Variants in CCDC125 observed in about 807,000 individuals in gnomAD.
CCDC125 encodes coiled-coil domain-containing protein 125.
CCDC125 carries 43 observed loss-of-function variants against 57.4 expected under a neutral mutation model. The ratio of observed to expected loss-of-function variants is 0.75; its 90% CI spans 0.59 to 0.97. The LOEUF (loss-of-function observed/expected upper bound fraction) is 0.97. Among genes scored for constraint, CCDC125 ranks in the 50% least tolerant of loss-of-function variants. The pLI is 0.00. For missense variants in CCDC125, 563 were observed against 595.7 expected (o/e 0.95, Z 0.57); for synonymous variants, 187 against 195.2 (o/e 0.96, Z 0.35).
At chr5:69,320,617 G>A (rs1031202491) in intron 1 of CCDC125, 37 bp from the exon 2 acceptor site, 2 of 928,624 alleles carry the variant, frequency 2.2e-6, no homozygotes, top group African/African-American at 3.3e-5. Context: ...GAAAACATCA[G>A]TAGATCCAGC....
At chr5:69,316,561 A>G (rs1460263752) in intron 2 of CCDC125, among the ~76,000 whole-genome samples, 4 of 152,048 alleles carry the variant, frequency 2.6e-5, no homozygotes, top group Non-Finnish European at 5.9e-5. Flanking sequence ...ACTGAAATTT[A>G]TTTGGGACTT....
chr5:69,278,279 C>G (rs907601647), downstream of CCDC125, among the ~76,000 whole-genome samples: 3 of 151,932 alleles, frequency 2.0e-5, no homozygotes, highest in African/African-American at 7.3e-5. Context: ...GATCTTGGCT[C>G]ACTGCAACCT....
At chr5:69,312,731 G>A (rs1177469391) in intron 3 of CCDC125, among the ~76,000 whole-genome samples, 3 of 152,172 alleles carry the variant, frequency 2.0e-5, no homozygotes, top group African/African-American at 7.2e-5. Flanking sequence ...AAGAAACAGA[G>A]GAGGCCAGTT....
intron 4 of CCDC125, chr5:69,309,242 T>C (rs1264349777): frequency 1.3e-5 from 2 of 152,100 alleles, no homozygotes; most frequent in Non-Finnish European, 2.9e-5. Context: ...ATGGGGAAAA[T>C]GTCTCCAGGG....
At chr5:69,306,094 CT>C (rs755336300) in intron 6 of CCDC125, among the ~76,000 whole-genome samples, 238 of 144,602 alleles carry the variant, frequency 1.6e-3, no homozygotes, top group Admixed American at 2.2e-3. Flanking sequence ...TATTTTTCAT[CT>C]TTTTTTTTTT....
intron 1 of CCDC125, among the ~76,000 whole-genome samples, chr5:69,324,735 G>A (rs563963940): frequency 6.6e-6 from 1 of 152,148 alleles, no homozygotes; most frequent in Non-Finnish European, 1.5e-5. Flanking sequence ...ATACTAGGCC[G>A]GATGTGGTGG....
intron 10 of CCDC125, among the ~76,000 whole-genome samples, chr5:69,288,271 G>A (rs1753836041): frequency 1.3e-5 from 2 of 152,112 alleles, no homozygotes; most frequent in South Asian, 2.1e-4. Flanking sequence ...GCCTCAGGAT[G>A]GGGGCTGGTT....
chr5:69,299,256 C>T (rs1197151205), intron 8 of CCDC125, among the ~76,000 whole-genome samples: 1 of 152,062 alleles, frequency 6.6e-6, no homozygotes, highest in Non-Finnish European at 1.5e-5. Context: ...ACTACAGGCG[C>T]CCGCCACCGC....
intron 8 of CCDC125, among the ~76,000 whole-genome samples, chr5:69,297,532 T>C (rs755999928): frequency 1.8e-4 from 27 of 151,056 alleles, no homozygotes; most frequent in Non-Finnish European, 3.5e-4. Context: ...GCTAATTTTG[T>C]ATTTTAGTGG....
chr5:69,284,881 C>G (rs1228834723), intron 11 of CCDC125, among the ~76,000 whole-genome samples: 1 of 152,108 alleles, frequency 6.6e-6, no homozygotes, highest in Non-Finnish European at 1.5e-5. Context: ...CACTTGAGGT[C>G]AGGAGTTTGA....
chr5:69,292,203 G>A lies in CCDC125; in HGVS notation c.1084C>T (p.His362Tyr). The A allele has an allele frequency of 2.5e-6, 4 of 1,612,648 alleles. No homozygotes were observed. The highest frequency in any genetic ancestry group is 3.4e-6 in the Non-Finnish European group (4 of 1,179,540). Residue 362 changes from histidine (H) to tyrosine (Y), a missense_variant, in exon 10 of 12, where the codon CAC becomes TAC. His to Tyr is a moderately conservative substitution (Grantham distance 83, BLOSUM62 2). Transcript: ENST00000396496. ...TCATAGTTACCATCCTCTTTAAGGT[G>A]CTTCCAATTCATCCATTTTGTTGCT... is the stretch of plus-strand genomic sequence containing the variant. ...KKATKWMNWK[H>Y]LKEDGFPSPR... is the part of the protein sequence containing the mutation.
intron 10 of CCDC125, among the ~76,000 whole-genome samples, chr5:69,291,499 C>A (rs1179059634): frequency 6.6e-6 from 1 of 152,080 alleles, no homozygotes; most frequent in Non-Finnish European, 1.5e-5. Flanking sequence ...GTATTACAGG[C>A]ATGTGCTACC....
chr5:69,279,316 C>T (rs1455814245), downstream of CCDC125, among the ~76,000 whole-genome samples: 3 of 142,998 alleles, frequency 2.1e-5, no homozygotes, highest in Non-Finnish European at 4.5e-5. Context: ...CCTGCCTCAG[C>T]CTCCCGAGTA....
At chr5:69,276,466 A>G, downstream of CCDC125, 1 of 1,320,724 alleles carries the variant, frequency 7.6e-7, no homozygotes, top group Non-Finnish European at 1.1e-6. Flanking sequence ...TGCTCCCTAT[A>G]ATCTTGAAGG....
intron 11 of CCDC125, among the ~76,000 whole-genome samples, chr5:69,284,434 G>A (rs1752987015): frequency 6.6e-6 from 1 of 152,028 alleles, no homozygotes; most frequent in Non-Finnish European, 1.5e-5. Flanking sequence ...GAAATGCCTT[G>A]AACACTTTAA....
At chr5:69,279,764 A>C (rs1188914017), downstream of CCDC125, among the ~76,000 whole-genome samples, 1 of 152,180 alleles carries the variant, frequency 6.6e-6, no homozygotes, top group Non-Finnish European at 1.5e-5. Flanking sequence ...AAGGGATCTG[A>C]GGACACTCAA....
intron 8 of CCDC125, among the ~76,000 whole-genome samples, chr5:69,296,904 C>T (rs1404408397): frequency 1.3e-5 from 2 of 152,006 alleles, no homozygotes; most frequent in African/African-American, 2.4e-5. Flanking sequence ...GCAGAGGTTG[C>T]AGTGAACTGA....
intron 1 of CCDC125, among the ~76,000 whole-genome samples, chr5:69,327,544 C>G (rs1024902454): frequency 1.3e-5 from 2 of 152,156 alleles, no homozygotes; most frequent in Non-Finnish European, 2.9e-5. Context: ...GGGTTGATGA[C>G]CAGGGAAGCA....
At chr5:69,297,533 A>G (rs1255785338) in intron 8 of CCDC125, among the ~76,000 whole-genome samples, 2 of 148,840 alleles carry the variant, frequency 1.3e-5, no homozygotes, top group Non-Finnish European at 3.0e-5. Flanking sequence ...CTAATTTTGT[A>G]TTTTAGTGGA....
Sources: gnomAD v4.1 joint callset for allele counts (sites outside exome capture counted in the v4.1 genomes callset) on GRCh38, gnomAD v4.1.1 for gene constraint, MANE v1.5 for transcripts, NCBI Gene and HGNC (gene_info 2026-07-23, HGNC 2026-07-21) for gene names.